SPATA1: variants seen among roughly 807,000 people sequenced by gnomAD.
SPATA1 encodes the protein spermatogenesis-associated protein 1.
Under a neutral mutation model 59.6 loss-of-function variants are expected in SPATA1, and 57 were observed. The observed-to-expected ratio is 0.96, with a 90% confidence interval of 0.77 to 1.19. The LOEUF is 1.19. Ranked by LOEUF, SPATA1 falls within the 50% of genes most tolerant of loss-of-function variation. The pLI is 0.00. For missense variants in SPATA1, 448 were observed against 480.7 expected (o/e 0.93, Z 0.64); for synonymous variants, 147 against 163.9 (o/e 0.90, Z 0.79).
In SPATA1 at chr1:84,532,930, A is replaced by ATCAT; in HGVS notation, c.617_620dup (p.Leu207PhefsTer7). On this transcript the variant is annotated frameshift_variant, in exon 7 of 13. Coordinates refer to ENST00000490879, the Ensembl canonical transcript of SPATA1. LOFTEE classifies it high-confidence loss of function. ...AAATTGGAAATTCTGAGTTGCCAGGATCATTGGAAGATTCAAATAATGATT... is the reference window on the plus strand; with the variant it reads ...AAATTGGAAATTCTGAGTTGCCAGGATCATTCATTGGAAGATTCAAATAATGATT... The ATCAT allele has an allele frequency of 6.4e-7, 1 of 1,552,236 alleles. No homozygotes were observed. The highest frequency in any genetic ancestry group is 2.0e-5 in the Admixed American group (1 of 51,088).
At position 84,525,684 on chromosome 1, in the gene SPATA1, A is replaced by G. The variant is rs1033531110; in HGVS notation, c.262-12A>G. On this transcript the variant is annotated splice_polypyrimidine_tract_variant and intron_variant, in intron 4 of 12. Coordinates refer to ENST00000490879, the Ensembl canonical transcript of SPATA1. ...CAAAAGCTTTAATTTTTTTCTCACTACTTATTTCTAGGTGAAGGAAAAGCA... is the reference window on the plus strand; with the variant it reads ...CAAAAGCTTTAATTTTTTTCTCACTGCTTATTTCTAGGTGAAGGAAAAGCA... 34 of 1,570,092 alleles carry G rather than the reference A, an allele frequency of 2.2e-5. No individual in the cohort carries two copies. Among genetic ancestry groups the G allele is most frequent in the Non-Finnish European group, 2.7e-5 (32 of 1,166,194 alleles).
At chr1:84,526,353 G>T (rs998484608) in intron 6 of SPATA1, among the ~76,000 whole-genome samples, 1 of 152,064 alleles carries the variant, frequency 6.6e-6, no homozygotes, top group African/African-American at 2.4e-5. Flanking sequence ...AATAGTTTTA[G>T]ATAAAAGTAA....
chr1:84,510,445 A>G lies in SPATA1; in HGVS notation c.-138+4027A>G, dbSNP rs554443956. ...CGATCATCAGGAGAAATGCAAATCA[A>G]AACTACAATGAGATATCATCTCTCC... is the stretch of plus-strand genomic sequence containing the variant. On this transcript the variant is annotated intron_variant, in intron 1 of 12. Coordinates refer to ENST00000490879, the Ensembl canonical transcript of SPATA1. 5.3e-5 allele frequency among the ~76,000 whole-genome samples: 8 copies of G among 152,358 alleles called. No individual in the cohort carries two copies. The South Asian group carries it at 1.2e-3, about 24-fold the overall frequency.
At chr1:84,508,886 CCATAAAA>C (rs545446944) in intron 1 of SPATA1, among the ~76,000 whole-genome samples, 96 of 151,874 alleles carry the variant, frequency 6.3e-4, no homozygotes, top group Non-Finnish European at 1.1e-3. Context: ...ACAAAGAAAA[CCATAAAA>C]CACTGATGCA....
At position 84,548,971 on chromosome 1, in the gene SPATA1, C is replaced by G. The variant is rs1200638490; in HGVS notation, c.1125+7C>G. ...AAACATCACAGACTCCAAGGTATTA[C>G]TAAATGTATCCCCCTTCCGTTAGAG... On this transcript the variant is annotated splice_region_variant and intron_variant, in intron 11 of 12. Coordinates refer to ENST00000490879, the Ensembl canonical transcript of SPATA1. 12 of 1,555,024 alleles carry G rather than the reference C, an allele frequency of 7.7e-6. No individual in the cohort carries two copies. In the African/African-American group the frequency reaches 1.7e-4, roughly 22 times the overall value.
chr1:84,509,416 T>C (rs1682439010), intron 1 of SPATA1, among the ~76,000 whole-genome samples: 1 of 152,170 alleles, frequency 6.6e-6, no homozygotes, highest in African/African-American at 2.4e-5. Context: ...CAAAATCAAA[T>C]CAAAATGGGT....
chr1:84,555,233 T>C (rs748349116), downstream of SPATA1: 1 of 1,518,786 alleles, frequency 6.6e-7, no homozygotes, highest in East Asian at 2.3e-5. Flanking sequence ...GATTTTAAAG[T>C]ATTTAGTACA....
At chr1:84,516,502 A>G (rs1682800943) in intron 2 of SPATA1, 107 bp downstream of exon 2, 2 of 654,620 alleles carry the variant, frequency 3.1e-6, no homozygotes, top group Admixed American at 3.9e-5. Context: ...TTAGATATTG[A>G]CTCCACCATG....
downstream of SPATA1, chr1:84,554,974 C>T (rs1684385755): frequency 1.3e-6 from 2 of 1,591,178 alleles, no homozygotes; most frequent in Non-Finnish European, 8.6e-7. Context: ...ATCTTTCTAA[C>T]TCTTAATGGT....
intron 4 of SPATA1, among the ~76,000 whole-genome samples, chr1:84,559,859 C>G (rs191542878): frequency 6.6e-6 from 1 of 151,438 alleles, no homozygotes; most frequent in Admixed American, 6.6e-5. Flanking sequence ...CCAAGGTAGG[C>G]GGATCACTTG....
chr1:84,507,627 CTG>C (rs1682328575), intron 1 of SPATA1, among the ~76,000 whole-genome samples: 1 of 152,176 alleles, frequency 6.6e-6, no homozygotes, highest in Non-Finnish European at 1.5e-5. Context: ...GCTTTGTTGA[CTG>C]TATAATGCTA....
intron 4 of SPATA1, among the ~76,000 whole-genome samples, chr1:84,565,305 A>G (rs1684670222): frequency 6.6e-6 from 1 of 152,236 alleles, no homozygotes; most frequent in African/African-American, 2.4e-5. Context: ...TGCAAAGCCT[A>G]CATCAAATGA....
intron 2 of SPATA1, among the ~76,000 whole-genome samples, chr1:84,518,319 T>C (rs774027119): frequency 2.0e-5 from 3 of 152,120 alleles, no homozygotes; most frequent in Non-Finnish European, 4.4e-5. Context: ...TGGATATTAA[T>C]TGACATTAAG....
chr1:84,527,779 G>C (rs968328175), intron 6 of SPATA1: 1 of 152,122 alleles, frequency 6.6e-6, no homozygotes, highest in Non-Finnish European at 1.5e-5. Flanking sequence ...GCCCAGGCTG[G>C]AGTGCAGTGG....
chr1:84,532,394 G>C (rs865871474), intron 6 of SPATA1, among the ~76,000 whole-genome samples: 3 of 152,150 alleles, frequency 2.0e-5, no homozygotes, highest in African/African-American at 7.2e-5. Context: ...TACTTGGGAG[G>C]CTGAGGCAGG....
chr1:84,560,025 A>G (rs1034581580), intron 4 of SPATA1, among the ~76,000 whole-genome samples: 4 of 147,200 alleles, frequency 2.7e-5, no homozygotes, highest in Non-Finnish European at 6.0e-5. Flanking sequence ...CAGAGGGTGC[A>G]GTGAACCCAG....
intron 1 of SPATA1, among the ~76,000 whole-genome samples, chr1:84,514,845 C>A (rs1167620414): frequency 1.3e-5 from 2 of 152,100 alleles, no homozygotes; most frequent in Non-Finnish European, 2.9e-5. Context: ...GAGGCACACG[C>A]CTGTAATCTC....
intron 8 of SPATA1, among the ~76,000 whole-genome samples, chr1:84,541,958 T>C (rs2101993564): frequency 6.6e-6 from 1 of 152,218 alleles, no homozygotes; most frequent in Middle Eastern, 3.4e-3. Context: ...TTTGTTTTTT[T>C]GTTGTTGTTG....
chr1:84,521,201 G>A (rs1570401177), intron 3 of SPATA1, among the ~76,000 whole-genome samples: 1 of 147,272 alleles, frequency 6.8e-6, no homozygotes, highest in Non-Finnish European at 1.5e-5. Flanking sequence ...GGAAGGGAGG[G>A]AGGGAGGGAA....
Sources: gnomAD v4.1 joint callset for allele counts (sites outside exome capture counted in the v4.1 genomes callset) on GRCh38, gnomAD v4.1.1 for gene constraint, MANE v1.5 for transcripts, NCBI Gene and HGNC (gene_info 2026-07-23, HGNC 2026-07-21) for gene names.